GTF2IRD1: variants seen among roughly 807,000 people sequenced by gnomAD.
GTF2IRD1 encodes the protein general transcription factor II-I repeat domain-containing protein 1.
Under a neutral mutation model 113.2 loss-of-function variants are expected in GTF2IRD1, and 26 were observed. That is an observed-to-expected ratio of 0.23 (90% CI 0.17 to 0.32). The LOEUF (loss-of-function observed/expected upper bound fraction) is 0.32, where lower values mean the gene tolerates loss of function less well. GTF2IRD1 is among the 10% of genes least tolerant of loss of function. The probability of loss-of-function intolerance (pLI) is 1.00; values close to 1 mark genes in which losing one functional copy is unlikely to be tolerated. For missense variants in GTF2IRD1, 864 were observed against 1,280.8 expected (o/e 0.67, Z 4.97); for synonymous variants, 484 against 529.1 (o/e 0.91, Z 1.17).
In GTF2IRD1 at chr7:74,569,107, C is replaced by G. The variant is rs1310953985; in HGVS notation, c.2320+9452C>G. 2.6e-5 allele frequency among the ~76,000 whole-genome samples: 4 copies of G among 152,308 alleles called. No homozygotes were observed. The East Asian group carries it at 7.7e-4, about 29-fold the overall frequency. ...CTTGCCCTTTCCCCCAACTCCCCTC[C>G]CAGAAGTAGCTCACTCTCCTCTGCC... is the stretch of plus-strand genomic sequence containing the variant. On this transcript the variant is annotated intron_variant, in intron 22 of 26. Transcript: ENST00000424337.
At chr7:74,463,235 C>T (rs1554329870) in intron 1 of GTF2IRD1, among the ~76,000 whole-genome samples, 2 of 152,192 alleles carry the variant, frequency 1.3e-5, no homozygotes, top group Admixed American at 6.5e-5. Flanking sequence ...GTTTGTTCAT[C>T]TGTTCTTATT....
intron 22 of GTF2IRD1, among the ~76,000 whole-genome samples, chr7:74,568,334 A>G (rs1277322646): frequency 5.4e-5 from 6 of 110,648 alleles, no homozygotes; most frequent in African/African-American, 1.4e-4. Flanking sequence ...CTGCATCTCT[A>G]TTTAAAAAAA....
chr7:74,487,004 C>T (rs782193593), intron 1 of GTF2IRD1, among the ~76,000 whole-genome samples: 1 of 152,108 alleles, frequency 6.6e-6, no homozygotes, highest in African/African-American at 2.4e-5. Context: ...AAAAGTTGGA[C>T]TCAGTGATGT....
chr7:74,589,126 C>A lies in GTF2IRD1; in HGVS notation c.2321-725C>A, dbSNP rs145363854. Among the ~76,000 whole-genome samples the A allele has an allele frequency of 1.3e-3, 192 of 152,228 alleles. 3 individuals are homozygous for A. The highest frequency in any genetic ancestry group is 4.4e-3 in the African/African-American group (184 of 41,564). The stretch of plus-strand genomic sequence containing the variant: ...ATTCCTGAACTTTGGGAGGGCAAAG[C>A]AAGAGGATCACTTGAGGCCAGCAAG... On this transcript the variant is annotated intron_variant, in intron 22 of 26. Coordinates refer to ENST00000424337, the MANE Select transcript of GTF2IRD1 (RefSeq NM_005685.4).
chr7:74,545,468 A>G (rs1329207036), intron 15 of GTF2IRD1, among the ~76,000 whole-genome samples: 2 of 152,154 alleles, frequency 1.3e-5, no homozygotes, highest in East Asian at 3.9e-4. Context: ...ATACCTAGAA[A>G]GACCCATGGT....
intron 22 of GTF2IRD1, among the ~76,000 whole-genome samples, chr7:74,568,423 C>A (rs1554361444): frequency 6.6e-6 from 1 of 151,292 alleles, no homozygotes; most frequent in East Asian, 2.0e-4. Flanking sequence ...CCCAGGCGGG[C>A]AGATCACAAG....
Position 74,549,758 on chromosome 7 carries a change from G to A in GTF2IRD1, c.1916+2472G>A, listed in dbSNP as rs184917080. Among the ~76,000 whole-genome samples, 218 of 151,796 alleles carry A rather than the reference G, an allele frequency of 1.4e-3. 1 individual carries two copies. Among genetic ancestry groups the A allele is most frequent in the African/African-American group, 5.0e-3 (209 of 41,400 alleles). On this transcript the variant is annotated intron_variant, in intron 17 of 26. Transcript: ENST00000424337. ...TACTGAAAATACAAAAATTAAGGCC[G>A]GGTGCGGTGGCTCACGCCTGTAATC...
intron 14 of GTF2IRD1, among the ~76,000 whole-genome samples, chr7:74,543,690 A>C (rs1197104957): frequency 6.6e-5 from 10 of 152,084 alleles, no homozygotes; most frequent in Non-Finnish European, 1.2e-4. Context: ...GCTTGAGCCC[A>C]GGAGTTCGAG....
At chr7:74,497,336 C>T (rs1015377402) in intron 1 of GTF2IRD1, among the ~76,000 whole-genome samples, 37 of 152,302 alleles carry the variant, frequency 2.4e-4, no homozygotes, top group African/African-American at 8.4e-4. Context: ...AGTCACACCT[C>T]ACTGCAGCCC....
intron 26 of GTF2IRD1, 65 bp downstream of exon 26, chr7:74,601,245 G>A: frequency 6.4e-7 from 1 of 1,551,900 alleles, no homozygotes; most frequent in Non-Finnish European, 8.7e-7. Flanking sequence ...TGTCTGGCAG[G>A]GCCGTCTACT....
rs1799542619 is a variant in GTF2IRD1, at chr7:74,555,571, T to C, written c.2023+77T>C. On this transcript the variant is annotated intron_variant, in intron 19 of 26. Coordinates refer to ENST00000424337, the MANE Select transcript of GTF2IRD1 (RefSeq NM_005685.4). The surrounding 1 kb of genome is among the most constrained non-coding windows in gnomAD (Gnocchi z 5.3). ...CTGGTTTGGGTTTGGAGGGCCAGGC[T>C]GGAAGTGGGGAGGAGCTGGCCCCCA... The C allele has an allele frequency of 1.3e-5, 12 of 958,144 alleles. No homozygotes were observed. Among genetic ancestry groups the C allele is most frequent in the Admixed American group, 1.9e-5 (1 of 52,770 alleles). 59.4% of individuals were successfully genotyped at this position (958,144 alleles called of 1,614,324 possible).
Position 74,559,025 on chromosome 7 carries a change from A to G in GTF2IRD1, c.2272A>G (p.Ile758Val), listed in dbSNP as rs1554358216. Residue 758 changes from isoleucine (I) to valine (V), a missense_variant, in exon 21 of 27, where the codon ATC becomes GTC. Around this residue, in one of 7 missense-constraint regions of GTF2IRD1, gnomAD observed 195 missense variants for 359.1 expected, o/e 0.54. Coordinates refer to ENST00000424337, the MANE Select transcript of GTF2IRD1 (RefSeq NM_005685.4). ...GAGGATTCTTGCTGTGGCTGACAAG[A>G]TCAAGTTCACAGTCACCAGGTACTC... ...LERILAVADK[I>V]KFTVTRPFQG... 3.1e-6 allele frequency: 5 copies of G among 1,613,728 alleles called. No individual in the cohort carries two copies. The African/African-American group carries it at 5.3e-5, about 17-fold the overall frequency.
chr7:74,470,907 A>G (rs1794045457), intron 1 of GTF2IRD1, among the ~76,000 whole-genome samples: 1 of 151,968 alleles, frequency 6.6e-6, no homozygotes, highest in Non-Finnish European at 1.5e-5. Flanking sequence ...TGGTTCAAGC[A>G]ATTCTCCTGC....
chr7:74,565,143 G>A (rs1273461014), intron 22 of GTF2IRD1, among the ~76,000 whole-genome samples: 2 of 152,144 alleles, frequency 1.3e-5, no homozygotes, highest in Admixed American at 1.3e-4. Context: ...ACCCACGCTC[G>A]ACCCTGGGGG....
chr7:74,596,036 CTGAT>C (rs1313692188), intron 25 of GTF2IRD1: 6 of 152,150 alleles, frequency 3.9e-5, no homozygotes, highest in African/African-American at 1.4e-4. Context: ...TTAAGAAACA[CTGAT>C]TGGGCCAGGC....
intron 9 of GTF2IRD1, among the ~76,000 whole-genome samples, chr7:74,531,086 C>A (rs928783967): frequency 6.7e-6 from 1 of 150,302 alleles, no homozygotes; most frequent in Non-Finnish European, 1.5e-5. Flanking sequence ...AAAAAATAGG[C>A]CAGGCATGGT....
intron 1 of GTF2IRD1, among the ~76,000 whole-genome samples, chr7:74,500,385 C>G (rs1213456950): frequency 6.7e-6 from 1 of 150,316 alleles, no homozygotes; most frequent in Non-Finnish European, 1.5e-5. Context: ...GAGTTTGAGA[C>G]CAGCCTGGGA....
At position 74,593,413 on chromosome 7, in the gene GTF2IRD1, T is replaced by TA. The variant is rs1176932203; in HGVS notation, c.2592-1576dup. On this transcript the variant is annotated intron_variant, in intron 24 of 26. Coordinates refer to ENST00000424337, the MANE Select transcript of GTF2IRD1 (RefSeq NM_005685.4). ...CAATATGGTGAAACCTCATCTCTAC[T>TA]AAAAAAAAAAAAAAAAAAAAAAAAA... Among the ~76,000 whole-genome samples the TA allele has an allele frequency of 1.9e-3, 93 of 49,270 alleles. 1 individual carries two copies. The highest frequency in any genetic ancestry group is 0.011 in the Middle Eastern group (1 of 94). The allele number at this position is 49,270 out of a possible 152,430, so 32.3% of individuals were successfully genotyped here.
chr7:74,534,052 G>A (rs587610035), intron 9 of GTF2IRD1, among the ~76,000 whole-genome samples: 4 of 151,644 alleles, frequency 2.6e-5, no homozygotes, highest in East Asian at 1.9e-4. Context: ...AGGATCCCAC[G>A]GTTCACCTTG....
Sources: gnomAD v4.1 joint callset for allele counts (sites outside exome capture counted in the v4.1 genomes callset) on GRCh38, gnomAD v4.1.1 for gene constraint, gnomAD v4.1.1 regional missense constraint, Gnocchi (gnomAD v3.1) non-coding constraint, MANE v1.5 for transcripts, NCBI Gene and HGNC (gene_info 2026-07-23, HGNC 2026-07-21) for gene names.